The following NBEA variants were observed in gnomAD, a reference collection of about 807,000 sequenced individuals.
The protein encoded by NBEA is lysosomal-trafficking regulator 2.
A neutral mutation model predicts 343.4 loss-of-function variants in NBEA; 44 were observed. That is an observed-to-expected ratio of 0.13 (90% CI 0.10 to 0.16). NBEA has a LOEUF of 0.16. Ranked by LOEUF, NBEA falls within the 10% of genes least tolerant of loss-of-function variation. NBEA has a pLI of 1.00. For synonymous variants in NBEA, 1,175 were observed against 1,238.7 expected, an observed-to-expected ratio of 0.95 and a Z score of 1.08; for missense variants, 2,555 against 3,631.3, an observed-to-expected ratio of 0.70 and a Z score of 7.62.
rs138537471 is a variant in NBEA at position 35,543,114 on chromosome 13, G to A, written c.6586-7363G>A. 9.7e-4 allele frequency among the ~76,000 whole-genome samples: 148 copies of A among 151,966 alleles called. 2 individuals carry two copies. The East Asian group carries it at 0.028, about 28-fold the overall frequency. On this transcript the variant is annotated intron_variant, in intron 41 of 58. Coordinates refer to ENST00000379939, the MANE Select transcript of NBEA (RefSeq NM_001385012.1). ...AAATAAATTGTTACAAATATTATTA[G>A]CATACAGTCATACAACAGCATAAAT...
rs1446441812 is a variant in NBEA at position 35,040,988 on chromosome 13, G to A, written c.350G>A (p.Ser117Asn). 2 of 1,613,200 alleles carry A rather than the reference G, an allele frequency of 1.2e-6. No individual in the cohort carries two copies. The highest frequency in any genetic ancestry group is 1.7e-5 in the Admixed American group (1 of 59,950). The change falls in exon 2 of 59, where the codon AGT (serine) becomes AAT (asparagine). Residue 117 changes from serine (S) to asparagine (N), a missense_variant. Physicochemically the swap from Ser to Asn is conservative, Grantham distance 46. This residue lies in a region of NBEA where 185 missense variants were observed against 290.6 expected (regional missense o/e 0.64). Transcript: ENST00000379939. ...EMNFIIQDAE[S>N]ITCMTELLEH... is the part of the protein sequence containing the mutation. ...AACTTTATTATCCAGGATGCTGAGA[G>A]TATAACATGTATGACAGAGCTTTTG...
At chr13:35,383,285 C>T (rs921018974) in intron 38 of NBEA, among the ~76,000 whole-genome samples, 6 of 151,922 alleles carry the variant, frequency 3.9e-5, no homozygotes, top group East Asian at 1.9e-4. Flanking sequence ...AATAGAAGGA[C>T]GTATATTATC....
At chr13:35,210,980 A>G in intron 32 of NBEA, 73 bp from the exon 33 acceptor site, 1 of 1,429,610 alleles carries the variant, frequency 7.0e-7, no homozygotes, top group South Asian at 1.4e-5. Flanking sequence ...TCAAAATCAG[A>G]TAGTAATGGT....
At chr13:35,451,423 G>T (rs1018475873) in intron 39 of NBEA, among the ~76,000 whole-genome samples, 8 of 152,148 alleles carry the variant, frequency 5.3e-5, no homozygotes, top group African/African-American at 1.9e-4. Context: ...CGCCCAACCA[G>T]CTTTTTGTGT....
intron 1 of NBEA, among the ~76,000 whole-genome samples, chr13:35,011,717 A>T (rs987052574): frequency 6.6e-6 from 1 of 152,164 alleles, no homozygotes; most frequent in African/African-American, 2.4e-5. Flanking sequence ...TTTCTAAAAC[A>T]TATTTATGGA....
At chr13:35,335,611 T>C (rs1306583597) in intron 36 of NBEA, among the ~76,000 whole-genome samples, 1 of 152,124 alleles carries the variant, frequency 6.6e-6, no homozygotes, top group Non-Finnish European at 1.5e-5. Context: ...CTTACAGTAT[T>C]TTAGACTTAT....
chr13:35,585,108 A>G (rs545859999), intron 46 of NBEA, among the ~76,000 whole-genome samples: 1 of 109,480 alleles, frequency 9.1e-6, no homozygotes, highest in African/African-American at 3.6e-5. Flanking sequence ...TAGGACATAA[A>G]TATATTTAAG....
intron 10 of NBEA, among the ~76,000 whole-genome samples, chr13:35,092,718 G>A (rs1452916262): frequency 6.6e-6 from 1 of 152,026 alleles, no homozygotes; most frequent in Non-Finnish European, 1.5e-5. Context: ...GCAAGGATGT[G>A]AGAACAACTA....
At chr13:35,289,381 T>C (rs888710017) in intron 34 of NBEA, among the ~76,000 whole-genome samples, 3 of 151,866 alleles carry the variant, frequency 2.0e-5, no homozygotes, top group African/African-American at 7.2e-5. Context: ...TTAAAAACAG[T>C]GAAAAACTTT....
chr13:35,161,178 GA>G (rs201454420), intron 22 of NBEA, among the ~76,000 whole-genome samples: 4,233 of 152,262 alleles, frequency 0.028, 87 homozygotes, highest in South Asian at 0.074. Context: ...GTTGTTTATT[GA>G]ACAATAGGCT....
intron 45 of NBEA, among the ~76,000 whole-genome samples, chr13:35,570,211 T>A (rs892868644): frequency 2.6e-5 from 4 of 152,188 alleles, no homozygotes; most frequent in African/African-American, 9.7e-5. Context: ...TTTTTTTGTA[T>A]TTTTAGTAGA....
intron 31 of NBEA, among the ~76,000 whole-genome samples, chr13:35,208,076 T>G (rs2073515330): frequency 6.6e-6 from 1 of 151,866 alleles, no homozygotes; most frequent in Non-Finnish European, 1.5e-5. Context: ...AAAAATTACC[T>G]GAGTGTGGTG....
chr13:35,500,714 CTTT>C (rs35555952), intron 41 of NBEA, among the ~76,000 whole-genome samples: 3 of 97,854 alleles, frequency 3.1e-5, no homozygotes, highest in Admixed American at 9.9e-5. Flanking sequence ...CCTGGCTCTT[CTTT>C]TTTTTTTTTT....
intron 8 of NBEA, among the ~76,000 whole-genome samples, chr13:35,064,019 A>C (rs1307395009): frequency 6.6e-6 from 1 of 152,026 alleles, no homozygotes; most frequent in African/African-American, 2.4e-5. Flanking sequence ...TTGGCAGAGA[A>C]GATCAAATAT....
chr13:35,336,536 G>T (rs1222414515), intron 36 of NBEA, among the ~76,000 whole-genome samples: 1 of 151,962 alleles, frequency 6.6e-6, no homozygotes, highest in African/African-American at 2.4e-5. Flanking sequence ...TATACCCAAA[G>T]GAATATAAAT....
At chr13:34,960,989 T>G (rs892779363) in intron 1 of NBEA, among the ~76,000 whole-genome samples, 1 of 152,148 alleles carries the variant, frequency 6.6e-6, no homozygotes, top group Admixed American at 6.6e-5. Flanking sequence ...ATTGAAAAAT[T>G]ATGCTGCCAA....
intron 34 of NBEA, among the ~76,000 whole-genome samples, chr13:35,239,851 T>C (rs148940336): frequency 7.3e-4 from 111 of 152,032 alleles, no homozygotes; most frequent in African/African-American, 2.4e-3. Flanking sequence ...AAATAAGTGA[T>C]GTCAAGGCTG....
chr13:35,155,431 C>G (rs1427320231), intron 18 of NBEA, among the ~76,000 whole-genome samples: 1 of 152,016 alleles, frequency 6.6e-6, no homozygotes, highest in Non-Finnish European at 1.5e-5. Context: ...CGAGACCAGC[C>G]TGATCAATAT....
chr13:35,363,964 C>A (rs673003), intron 38 of NBEA, among the ~76,000 whole-genome samples: 44,203 of 151,662 alleles, frequency 0.29, 8,289 homozygotes, highest in African/African-American at 0.54. Context: ...TTGGAACTGA[C>A]AAATGCAGAA....
Sources: allele counts gnomAD v4.1 joint callset (sites outside exome capture counted in the v4.1 genomes callset), GRCh38; gene constraint gnomAD v4.1.1; regional missense constraint gnomAD v4.1.1; transcripts MANE v1.5; gene names NCBI Gene and HGNC (gene_info 2026-07-23, HGNC 2026-07-21).